KLF8: variants seen among roughly 807,000 people sequenced by gnomAD.
The protein encoded by KLF8 is Krueppel-like factor 8.
A neutral mutation model predicts 18.2 loss-of-function variants in KLF8; 10 were observed. The ratio of observed to expected loss-of-function variants is 0.55; its 90% CI spans 0.34 to 0.93. KLF8 has a LOEUF of 0.93. Among genes scored for constraint, KLF8 ranks in the 40% least tolerant of loss-of-function variants. KLF8 has a pLI of 0.02. For synonymous variants in KLF8, 109 were observed against 97.3 expected (o/e 1.12, Z -0.71); for missense variants, 264 against 277.9 (o/e 0.95, Z 0.36).
chrX:56,148,025 A>T, the KLF8 span, among the ~76,000 whole-genome samples: 2 of 111,976 alleles, frequency 1.8e-5, no homozygotes, highest in South Asian at 3.7e-4. Flanking sequence ...AACATTTTGG[A>T]TGTACTAAAT....
the KLF8 span, among the ~76,000 whole-genome samples, chrX:56,145,539 G>A: frequency 8.9e-6 from 1 of 112,074 alleles, no homozygotes; most frequent in Non-Finnish European, 1.9e-5. Context: ...TAACCAAAAA[G>A]TAGAACCAAC....
At chrX:56,128,831 G>A in the KLF8 span, among the ~76,000 whole-genome samples, 1 of 112,259 alleles carries the variant, frequency 8.9e-6, no homozygotes, top group African/African-American at 3.2e-5. Context: ...AACCCACAGT[G>A]TAGTTGGTGT....
At chrX:55,910,974 A>G in the KLF8 span, among the ~76,000 whole-genome samples, 1 of 111,968 alleles carries the variant, frequency 8.9e-6, no homozygotes, top group African/African-American at 3.2e-5. Context: ...GAAAATCCAT[A>G]TATAACTTCT....
chrX:56,118,831 A>G, the KLF8 span, among the ~76,000 whole-genome samples: 406 of 112,051 alleles, frequency 3.6e-3, 2 homozygotes, highest in African/African-American at 0.013. Flanking sequence ...TGCTGGTCTG[A>G]AGTTTCTAAT....
chrX:56,133,941 A>G, the KLF8 span, among the ~76,000 whole-genome samples: 1 of 110,332 alleles, frequency 9.1e-6, no homozygotes, highest in Non-Finnish European at 1.9e-5. Context: ...AAAAATACTT[A>G]GGAATATACC....
chrX:56,092,333 T>C, the KLF8 span, among the ~76,000 whole-genome samples: 3 of 111,964 alleles, frequency 2.7e-5, no homozygotes, highest in Non-Finnish European at 5.6e-5. Context: ...TTAAGTCCAA[T>C]ATTTTTGTCA....
chrX:56,203,991 T>A, the KLF8 span, among the ~76,000 whole-genome samples: 1 of 111,566 alleles, frequency 9.0e-6, no homozygotes, highest in East Asian at 2.8e-4. Flanking sequence ...AGGAATAGAG[T>A]TGAATCTCTA....
At chrX:56,197,453 C>T in the KLF8 span, among the ~76,000 whole-genome samples, 1 of 111,722 alleles carries the variant, frequency 9.0e-6, no homozygotes. Flanking sequence ...GAGAATACTA[C>T]AAACACCTCC....
At chrX:56,236,994 T>C (rs1245860150) in intron 1 of KLF8, among the ~76,000 whole-genome samples, 1 of 105,944 alleles carries the variant, frequency 9.4e-6, no homozygotes, top group African/African-American at 3.5e-5. Flanking sequence ...TGGTTCAGTA[T>C]CTTCTGATTA....
the KLF8 span, among the ~76,000 whole-genome samples, chrX:55,957,702 T>C: frequency 8.9e-6 from 1 of 112,162 alleles, no homozygotes; most frequent in African/African-American, 3.2e-5. Context: ...TATTCATTGT[T>C]AATTGCTTGG....
At chrX:56,187,535 C>G in the KLF8 span, among the ~76,000 whole-genome samples, 4 of 111,761 alleles carry the variant, frequency 3.6e-5, no homozygotes, top group South Asian at 1.5e-3. Context: ...AGGCCAGCAT[C>G]ATCCTGATAC....
the KLF8 span, among the ~76,000 whole-genome samples, chrX:56,032,617 A>C: frequency 8.9e-6 from 1 of 112,063 alleles, no homozygotes; most frequent in Middle Eastern, 4.6e-3. Flanking sequence ...TCTTTTACTC[A>C]ACATTTTTCT....
chrX:55,963,087 G>GT, the KLF8 span, among the ~76,000 whole-genome samples: 1 of 111,955 alleles, frequency 8.9e-6, no homozygotes, highest in East Asian at 2.8e-4. Flanking sequence ...TGTCATTGTT[G>GT]TTTTTTTCCT....
the KLF8 span, among the ~76,000 whole-genome samples, chrX:55,981,996 T>G: frequency 9.1e-6 from 1 of 110,314 alleles, no homozygotes; most frequent in Non-Finnish European, 1.9e-5. Context: ...TGGTGGGACT[T>G]GGTGAAAGAA....
the KLF8 span, among the ~76,000 whole-genome samples, chrX:56,105,626 T>C: frequency 3.6e-5 from 4 of 109,608 alleles, no homozygotes; most frequent in Non-Finnish European, 7.6e-5. Flanking sequence ...ATGGGTCTCC[T>C]GAATACAGCA....
At chrX:56,190,392 G>T in the KLF8 span, among the ~76,000 whole-genome samples, 1 of 111,587 alleles carries the variant, frequency 9.0e-6, no homozygotes, top group African/African-American at 3.2e-5. Flanking sequence ...GGAGACTCCT[G>T]TACCCCTTTT....
At chrX:55,909,012 G>A in the KLF8 span, among the ~76,000 whole-genome samples, 1 of 111,079 alleles carries the variant, frequency 9.0e-6, no homozygotes, top group East Asian at 2.9e-4. Context: ...TTCGATGGCT[G>A]TGTGGTTGGA....
chrX:55,924,826 T>G, the KLF8 span, among the ~76,000 whole-genome samples: 5 of 106,443 alleles, frequency 4.7e-5, no homozygotes, highest in South Asian at 4.2e-4. Flanking sequence ...GGTGGTTTTT[T>G]TTTTGTTTTG....
chrX:55,925,883 A>G, the KLF8 span, among the ~76,000 whole-genome samples: 1 of 112,296 alleles, frequency 8.9e-6, no homozygotes. Context: ...TCTTGTGGGT[A>G]CATAGTAGGT....
Sources: allele counts gnomAD v4.1 joint callset (sites outside exome capture counted in the v4.1 genomes callset), GRCh38; gene constraint gnomAD v4.1.1; transcripts MANE v1.5; gene names NCBI Gene and HGNC (gene_info 2026-07-23, HGNC 2026-07-21).